The following ATG16L1 variants were observed in gnomAD, a reference collection of about 807,000 sequenced individuals.
The protein encoded by ATG16L1 is autophagy-related protein 16-1.
A neutral mutation model predicts 88.5 loss-of-function variants in ATG16L1; 37 were observed. The ratio of observed to expected loss-of-function variants is 0.42; its 90% CI spans 0.32 to 0.55. The LOEUF (loss-of-function observed/expected upper bound fraction) is 0.55, where lower values mean the gene tolerates loss of function less well. Ranked by LOEUF, ATG16L1 falls within the 20% of genes least tolerant of loss-of-function variation. The pLI, the probability that ATG16L1 is intolerant of heterozygous loss-of-function variation, is 0.13. For synonymous variants in ATG16L1, 301 were observed against 281.0 expected, an observed-to-expected ratio of 1.07 and a Z score of -0.71; for missense variants, 554 against 752.8, an observed-to-expected ratio of 0.74 and a Z score of 3.09.
chr2:233,279,108 T>C (rs1698560662), intron 10 of ATG16L1, among the ~76,000 whole-genome samples: 3 of 152,008 alleles, frequency 2.0e-5, no homozygotes, highest in Admixed American at 2.0e-4. Context: ...AGCCCAGGAG[T>C]GAGAGGCTGC....
chr2:233,273,888 A>G, intron 8 of ATG16L1, 111 bp downstream of exon 8: 2 of 1,506,796 alleles, frequency 1.3e-6, no homozygotes, highest in Non-Finnish European at 1.8e-6. Context: ...TGCAGAGTAT[A>G]CATATGCCTT....
intron 12 of ATG16L1, among the ~76,000 whole-genome samples, chr2:233,285,758 G>A (rs1053370423): frequency 6.6e-6 from 1 of 152,078 alleles, no homozygotes; most frequent in East Asian, 1.9e-4. Context: ...TTAACAGATG[G>A]TACTGGAGGA....
At chr2:233,288,881 A>G (rs1407597511) in intron 12 of ATG16L1, 1 of 519,162 alleles carries the variant, frequency 1.9e-6, no homozygotes, top group South Asian at 1.4e-5. Context: ...TCACAAAGGG[A>G]TTTGATTGTT....
intron 5 of ATG16L1, among the ~76,000 whole-genome samples, chr2:233,265,613 G>A (rs1322668826): frequency 2.0e-5 from 3 of 152,108 alleles, no homozygotes; most frequent in Non-Finnish European, 4.4e-5. Flanking sequence ...GGGATTACAG[G>A]CATACACCAC....
intron 5 of ATG16L1, 84 bp downstream of exon 5, chr2:233,265,227 A>G (rs573637895): frequency 4.6e-6 from 7 of 1,510,902 alleles, no homozygotes; most frequent in East Asian, 4.5e-5. Flanking sequence ...TAAACCTGGC[A>G]GTTACTACAG....
At chr2:233,272,120 T>C (rs1698037979) in intron 6 of ATG16L1, among the ~76,000 whole-genome samples, 1 of 152,206 alleles carries the variant, frequency 6.6e-6, no homozygotes, top group African/African-American at 2.4e-5. Flanking sequence ...AAATCTTGGG[T>C]TATTACATTT....
intron 2 of ATG16L1, among the ~76,000 whole-genome samples, chr2:233,258,001 CAAAAAAAAAA>C (rs57141358): frequency 1.2e-4 from 11 of 88,782 alleles, no homozygotes; most frequent in Admixed American, 3.5e-4. Flanking sequence ...GACTCCGTCT[CAAAAAAAAAA>C]AAAAAATATC....
chr2:233,265,127 A>G lies in ATG16L1; in HGVS notation c.625A>G (p.Asn209Asp). The G allele has an allele frequency of 1.2e-6, 2 of 1,614,090 alleles. No individual in the cohort carries two copies. The highest frequency in any genetic ancestry group is 8.5e-7 in the Non-Finnish European group (1 of 1,180,020). The change falls in exon 5 of 18, where the codon AAT becomes GAT. Residue 209 changes from asparagine to aspartate, a missense_variant. Transcript: ENST00000392017. The part of the protein sequence containing the change: ...AQEANRLNAE[N>D]EKDSRRRQAR... ...GGAAGCCAATCGGCTTAATGCAGAGAATGAAAAAGACTCCAGGTGGGCTAT... is the reference window on the plus strand; with the variant it reads ...GGAAGCCAATCGGCTTAATGCAGAGGATGAAAAAGACTCCAGGTGGGCTAT...
chr2:233,285,798 T>C (rs1355160807), intron 12 of ATG16L1, among the ~76,000 whole-genome samples: 1 of 152,180 alleles, frequency 6.6e-6, no homozygotes, highest in Non-Finnish European at 1.5e-5. Context: ...GTTGTGAAAC[T>C]CACAGACATC....
chr2:233,285,883 G>A (rs1699041228), intron 12 of ATG16L1, among the ~76,000 whole-genome samples: 1 of 152,198 alleles, frequency 6.6e-6, no homozygotes, highest in South Asian at 2.1e-4. Context: ...ACAAGAAGCA[G>A]CTGGTTGAGT....
Position 233,293,262 on chromosome 2 carries a change from T to C in ATG16L1, c.1635T>C (p.Asp545=). ...TTCTTACTGTCTTCTGTAGCCCTGATGGCAGTTACGTGGCGGCAGGCTCTG... is the reference window on the plus strand; with the variant it reads ...TTCTTACTGTCTTCTGTAGCCCTGACGGCAGTTACGTGGCGGCAGGCTCTG... ...SDWTRVVFSP[D]GSYVAAGSAE... The change falls in exon 17 of 18, where the codon GAT becomes GAC. Residue 545 remains aspartate (D), a synonymous_variant. Coordinates refer to ENST00000392017, the MANE Select transcript of ATG16L1 (RefSeq NM_030803.7). The C allele has an allele frequency of 2.5e-6, 4 of 1,614,054 alleles. No homozygotes were observed. The South Asian group carries it at 3.3e-5, about 13-fold the overall frequency.
chr2:233,261,178 A>G (rs1697184686), intron 2 of ATG16L1, among the ~76,000 whole-genome samples: 1 of 152,124 alleles, frequency 6.6e-6, no homozygotes, highest in South Asian at 2.1e-4. Context: ...GATGATCTCG[A>G]TCTCCTGACC....
chr2:233,255,486 G>A (rs569140716), intron 1 of ATG16L1, among the ~76,000 whole-genome samples: 52 of 152,322 alleles, frequency 3.4e-4, no homozygotes, highest in Middle Eastern at 3.4e-3. Flanking sequence ...ATCTGTTAGC[G>A]TAACGGCCTG....
intron 2 of ATG16L1, among the ~76,000 whole-genome samples, chr2:233,256,566 G>C (rs1167538150): frequency 1.5e-5 from 2 of 137,344 alleles, no homozygotes. Flanking sequence ...ATGTAGGATT[G>C]ATTGGCACAT....
At chr2:233,274,383 G>A in intron 8 of ATG16L1, 2 of 427,076 alleles carry the variant, frequency 4.7e-6, no homozygotes, top group Non-Finnish European at 8.4e-6. Context: ...AAGTTTCCCA[G>A]CAGCTTATTG....
intron 2 of ATG16L1, among the ~76,000 whole-genome samples, chr2:233,258,049 A>G (rs1003275958): frequency 2.0e-5 from 3 of 148,808 alleles, no homozygotes; most frequent in African/African-American, 7.4e-5. Context: ...ATATATCTAT[A>G]TCTATCTCTT....
chr2:233,278,778 G>A (rs1180859478), intron 10 of ATG16L1, among the ~76,000 whole-genome samples: 1 of 152,076 alleles, frequency 6.6e-6, no homozygotes, highest in Admixed American at 6.5e-5. Flanking sequence ...TATCTGCCCC[G>A]GCCTTTGATT....
chr2:233,274,085 C>G, intron 8 of ATG16L1: 1 of 1,519,106 alleles, frequency 6.6e-7, no homozygotes, highest in Non-Finnish European at 8.9e-7. Flanking sequence ...GAGTGTGGGT[C>G]CTTAACAATT....
intron 12 of ATG16L1, 35 bp downstream of exon 12, chr2:233,282,788 A>G: frequency 6.3e-7 from 1 of 1,591,540 alleles, no homozygotes; most frequent in South Asian, 1.1e-5. Context: ...TGCAATCTCC[A>G]AACTTCATGT....
Sources: allele counts gnomAD v4.1 joint callset (sites outside exome capture counted in the v4.1 genomes callset), GRCh38; gene constraint gnomAD v4.1.1; transcripts MANE v1.5; gene names NCBI Gene and HGNC (gene_info 2026-07-23, HGNC 2026-07-21).